The following SLCO5A1 variants were observed in gnomAD, a reference collection of about 807,000 sequenced individuals.
The protein encoded by SLCO5A1 is solute carrier organic anion transporter family member 5A1.
A neutral mutation model predicts 65.1 loss-of-function variants in SLCO5A1; 39 were observed. That is an observed-to-expected ratio of 0.60 (90% CI 0.46 to 0.78). The LOEUF (loss-of-function observed/expected upper bound fraction) is 0.78. Ranked by LOEUF, SLCO5A1 falls within the 30% of genes least tolerant of loss-of-function variation. The pLI is 0.00. For synonymous variants in SLCO5A1, 438 were observed against 415.7 expected (o/e 1.05, Z -0.65); for missense variants, 1,029 against 1,069.4 (o/e 0.96, Z 0.53).
At chr8:69,770,068 A>G (rs1818248245) in intron 2 of SLCO5A1, among the ~76,000 whole-genome samples, 1 of 152,212 alleles carries the variant, frequency 6.6e-6, no homozygotes, top group African/African-American at 2.4e-5. Context: ...CACAGTAATT[A>G]TTGTTCCGTA....
intron 2 of SLCO5A1, among the ~76,000 whole-genome samples, chr8:69,820,934 C>T (rs1820609640): frequency 6.6e-6 from 1 of 151,986 alleles, no homozygotes; most frequent in South Asian, 2.1e-4. Context: ...CTGGGAGAAG[C>T]CAAGGGGTTT....
chr8:69,709,974 G>A (rs1442557240), intron 5 of SLCO5A1, among the ~76,000 whole-genome samples: 2 of 148,606 alleles, frequency 1.3e-5, no homozygotes, highest in Admixed American at 6.7e-5. Flanking sequence ...GGTAGCTAGT[G>A]TTCATCCTGT....
intron 5 of SLCO5A1, chr8:69,713,650 C>A (rs1815379872): frequency 6.6e-6 from 1 of 152,180 alleles, no homozygotes. Context: ...CAATAGTATG[C>A]AAGCCTTATG....
At chr8:69,713,053 T>C (rs562587318) in intron 5 of SLCO5A1, among the ~76,000 whole-genome samples, 1 of 152,348 alleles carries the variant, frequency 6.6e-6, no homozygotes, top group African/African-American at 2.4e-5. Context: ...TTGAACATTA[T>C]TAGCAAAAGC....
chr8:69,705,675 T>C (rs2380573), intron 5 of SLCO5A1, among the ~76,000 whole-genome samples: 44,082 of 152,172 alleles, frequency 0.29, 6,661 homozygotes, highest in South Asian at 0.38. Context: ...TGTCACAACA[T>C]TCCACATGTA....
At chr8:69,739,647 T>C (rs1162830955) in intron 4 of SLCO5A1, among the ~76,000 whole-genome samples, 1 of 152,164 alleles carries the variant, frequency 6.6e-6, no homozygotes, top group East Asian at 1.9e-4. Flanking sequence ...ACTGTCATCA[T>C]TTTAAAATTT....
rs771544368 is a variant in SLCO5A1, at chr8:69,673,187, G to A, written c.2229C>T (p.Ala743=). 2 of 1,614,184 alleles carry A rather than the reference G, an allele frequency of 1.2e-6. No homozygotes were observed. Among genetic ancestry groups the A allele is most frequent in the Non-Finnish European group, 1.7e-6 (2 of 1,180,048 alleles). ...SFRFVYFGLA[A]GLKFVGFIFI... is the part of the protein sequence containing the mutation. ...AAATAAACCCAACGAATTTGAGGCC[G>A]GCAGCCAAACCAAAATACACAAAAC... The change falls in exon 10 of 10, where the codon GCC becomes GCT. Residue 743 remains alanine, a synonymous_variant. Transcript: ENST00000260126.
At position 69,833,891 on chromosome 8, in the gene SLCO5A1, A is replaced by G. The variant is rs200904798; in HGVS notation, c.-496-722T>C. 3.2e-3 allele frequency: 489 copies of G among 152,406 alleles called. 4 individuals are homozygous for G. The highest frequency in any genetic ancestry group is 3.3e-3 in the East Asian group (17 of 5,184). 9.4% of individuals were successfully genotyped at this position (152,406 alleles called of 1,614,324 possible). A position where few individuals can be genotyped will look rare whatever the true frequency, so the allele number is the denominator to read the frequency against. ...CACTAAGTCCCAGAGCGCGGTATCA[A>G]ACGAAACCGAAAATCCGTCTGCTTT... On this transcript the variant is annotated intron_variant, in intron 1 of 9. Transcript: ENST00000260126.
At chr8:69,804,089 A>T (rs547430692) in intron 2 of SLCO5A1, among the ~76,000 whole-genome samples, 309 of 152,316 alleles carry the variant, frequency 2.0e-3, no homozygotes, top group Middle Eastern at 6.8e-3. Context: ...AGGTTAGGAA[A>T]GAGTTGCCTT....
In SLCO5A1 at chr8:69,771,909, G is replaced by A. The variant is rs75521665; in HGVS notation, c.908-10034C>T. On this transcript the variant is annotated intron_variant, in intron 2 of 9. Transcript: ENST00000260126. ...GATGAATAACTGCTGACACTAAGAC[G>A]AGCCAGAGGGCTCTTTATTCAGCTC... Among the ~76,000 whole-genome samples, 292 of 152,314 alleles carry A rather than the reference G, an allele frequency of 1.9e-3. 2 individuals are homozygous for A. Among genetic ancestry groups the A allele is most frequent in the Admixed American group, 8.6e-3 (132 of 15,302 alleles).
rs552749800 is a variant in SLCO5A1 at position 69,762,118 on chromosome 8, T to TTTTCTTTC, written c.908-251_908-244dup. Among the ~76,000 whole-genome samples, 379 of 104,686 alleles carry TTTTCTTTC rather than the reference T, an allele frequency of 3.6e-3. 2 individuals are homozygous for TTTTCTTTC. Among genetic ancestry groups the TTTTCTTTC allele is most frequent in the Middle Eastern group, 8.8e-3 (2 of 228 alleles). The allele number at this position is 104,686 out of a possible 152,430, so 68.7% of individuals were successfully genotyped here. Reference sequence around the variant, plus strand: ...GAGCTTTTTGGTGGCTTTTGTTTTGTTTTCTTTCTTTCTTTCTTTCTTTCT... The same window carrying TTTTCTTTC: ...GAGCTTTTTGGTGGCTTTTGTTTTGTTTTCTTTCTTTCTTTCTTTCTTTCTTTCTTTCT... On this transcript the variant is annotated intron_variant, in intron 2 of 9. Transcript: ENST00000260126.
At chr8:69,791,882 T>C (rs1364412999) in intron 2 of SLCO5A1, among the ~76,000 whole-genome samples, 1 of 152,180 alleles carries the variant, frequency 6.6e-6, no homozygotes, top group East Asian at 1.9e-4. Context: ...TAAAAGAAGC[T>C]CAGACTATCA....
intron 7 of SLCO5A1, 23 bp downstream of exon 7, chr8:69,682,161 A>T: frequency 1.3e-6 from 2 of 1,594,470 alleles, no homozygotes; most frequent in Non-Finnish European, 1.7e-6. Context: ...CTAACAGAAG[A>T]GGAACTTGTG....
chr8:69,772,357 CA>C (rs58929782), intron 2 of SLCO5A1, among the ~76,000 whole-genome samples: 6 of 150,232 alleles, frequency 4.0e-5, no homozygotes, highest in African/African-American at 1.5e-4. Context: ...TTCATCTCTA[CA>C]AAAAAAAATT....
intron 2 of SLCO5A1, among the ~76,000 whole-genome samples, chr8:69,784,848 A>AAAGAAAGAAAGG (rs1563722779): frequency 1.5e-4 from 21 of 144,066 alleles, no homozygotes; most frequent in African/African-American, 4.3e-4. Flanking sequence ...AGAAAGAAAG[A>AAAGAAAGAAAGG]AAGAAAGAAA....
chr8:69,725,732 C>A (rs1265773302), intron 5 of SLCO5A1, among the ~76,000 whole-genome samples: 1 of 152,150 alleles, frequency 6.6e-6, no homozygotes, highest in African/African-American at 2.4e-5. Flanking sequence ...TTTATTCATT[C>A]CTTCATCAAA....
intron 9 of SLCO5A1, among the ~76,000 whole-genome samples, chr8:69,676,102 G>A (rs1813536024): frequency 6.6e-6 from 1 of 152,172 alleles, no homozygotes; most frequent in Non-Finnish European, 1.5e-5. Context: ...TTACAAGGCA[G>A]TCCCTATATG....
rs570637227 is a variant in SLCO5A1 at position 69,801,015 on chromosome 8, AT to A, written c.907+30751del. Among the ~76,000 whole-genome samples the A allele has an allele frequency of 7.4e-3, 1,132 of 152,268 alleles. 14 individuals are homozygous for A. Among genetic ancestry groups the A allele is most frequent in the African/African-American group, 0.026 (1,085 of 41,536 alleles). The stretch of plus-strand genomic sequence containing the variant: ...ATAATAATGGAACTTACACACCCTC[AT>A]TCTTTCTTTAAACAATCCCAAACTT... On this transcript the variant is annotated intron_variant, in intron 2 of 9. Coordinates refer to ENST00000260126, the MANE Select transcript of SLCO5A1 (RefSeq NM_030958.3).
chr8:69,759,477 A>G (rs930529248), intron 3 of SLCO5A1, among the ~76,000 whole-genome samples: 1 of 152,130 alleles, frequency 6.6e-6, no homozygotes, highest in East Asian at 1.9e-4. Flanking sequence ...TTCATTCCTC[A>G]CAATGACCCT....
Sources: gnomAD v4.1 joint callset for allele counts (sites outside exome capture counted in the v4.1 genomes callset) on GRCh38, gnomAD v4.1.1 for gene constraint, MANE v1.5 for transcripts, NCBI Gene and HGNC (gene_info 2026-07-23, HGNC 2026-07-21) for gene names.